SMCHD1: variants seen among roughly 807,000 people sequenced by gnomAD.
SMCHD1 encodes structural maintenance of chromosomes flexible hinge domain-containing protein 1.
SMCHD1 carries 78 observed loss-of-function variants against 254.7 expected under a neutral mutation model. That is an observed-to-expected ratio of 0.31 (90% CI 0.26 to 0.37). The LOEUF (loss-of-function observed/expected upper bound fraction) is 0.37. SMCHD1 is among the 10% of genes least tolerant of loss of function. The pLI is 1.00. For synonymous variants in SMCHD1, 766 were observed against 794.9 expected (o/e 0.96, Z 0.61); for missense variants, 1,840 against 2,408.1 (o/e 0.76, Z 4.94).
intron 44 of SMCHD1, among the ~76,000 whole-genome samples, chr18:2,779,344 G>A (rs1277119379): frequency 6.6e-6 from 1 of 152,140 alleles, no homozygotes; most frequent in African/African-American, 2.4e-5. Flanking sequence ...GGGTTCTTTT[G>A]GGGATGTCTG....
At chr18:2,679,810 CT>C (rs1445951635) in intron 5 of SMCHD1, among the ~76,000 whole-genome samples, 1 of 151,994 alleles carries the variant, frequency 6.6e-6, no homozygotes, top group Non-Finnish European at 1.5e-5. Flanking sequence ...TCTAAGTATT[CT>C]TTCTCTCCTT....
At chr18:2,714,105 A>G (rs13381408) in intron 17 of SMCHD1, among the ~76,000 whole-genome samples, 44,773 of 152,058 alleles carry the variant, frequency 0.29, 6,822 homozygotes, top group East Asian at 0.5. Flanking sequence ...TGTTGAATCC[A>G]TTATTATTGT....
At chr18:2,754,688 CAGTTAAAGG>C (rs1382860082) in intron 34 of SMCHD1, among the ~76,000 whole-genome samples, 1 of 152,126 alleles carries the variant, frequency 6.6e-6, no homozygotes, top group East Asian at 1.9e-4. Context: ...CCACTCATAT[CAGTTAAAGG>C]TGAGAACCCT....
Position 2,740,694 on chromosome 18 carries a change from C to A in SMCHD1, c.3515-9C>A. ...GATAATACTAAAATAAAACTTCCCCCTTTTTTAGTTATAATAATTACAGAT... is the reference window on the plus strand; with the variant it reads ...GATAATACTAAAATAAAACTTCCCCATTTTTTAGTTATAATAATTACAGAT... On this transcript the variant is annotated splice_polypyrimidine_tract_variant and intron_variant, in intron 27 of 47. Coordinates refer to ENST00000320876, the MANE Select transcript of SMCHD1 (RefSeq NM_015295.3). 1 of 1,465,812 alleles carries A rather than the reference C, an allele frequency of 6.8e-7. No homozygotes were observed. The highest frequency in any genetic ancestry group is 1.8e-5 in the Admixed American group (1 of 55,694). 90.8% of individuals were successfully genotyped at this position (1,465,812 alleles called of 1,614,324 possible).
chr18:2,728,678 T>C, intron 23 of SMCHD1, 82 bp downstream of exon 23: 2 of 1,397,426 alleles, frequency 1.4e-6, no homozygotes, highest in Non-Finnish European at 1.9e-6. Context: ...TAGTAAGTCT[T>C]ACACAGGATT....
rs566843358 is a variant in SMCHD1 at position 2,729,219 on chromosome 18, G to A, written c.2914-56G>A. 59 of 1,298,020 alleles carry A rather than the reference G, an allele frequency of 4.5e-5. No homozygotes were observed. The East Asian group carries it at 4.8e-4, about 11-fold the overall frequency. 80.4% of individuals were successfully genotyped at this position (1,298,020 alleles called of 1,614,324 possible). A position where few individuals can be genotyped will look rare whatever the true frequency, so the allele number is the denominator to read the frequency against. On this transcript the variant is annotated intron_variant, in intron 23 of 47. Coordinates refer to ENST00000320876, the MANE Select transcript of SMCHD1 (RefSeq NM_015295.3). Reference sequence around the variant, plus strand: ...ATTATTTGAAACTTTGAACAATTACGGAAGAATCAAATATATTTAATAGGG... The same window carrying A: ...ATTATTTGAAACTTTGAACAATTACAGAAGAATCAAATATATTTAATAGGG...
Position 2,760,717 on chromosome 18 carries a change from C to G in SMCHD1, c.4412C>G (p.Thr1471Arg), listed in dbSNP as rs766789106. 7.5e-6 allele frequency: 12 copies of G among 1,599,252 alleles called. No individual in the cohort carries two copies. The African/African-American group carries it at 1.2e-4, about 16-fold the overall frequency. ...CIQFGFMMDK[T>R]NILNSEQVIV... ...CAGTTTGGTTTTATGATGGATAAAA[C>G]AAATATTCTCAACAGTGAACAGGTT... is the stretch of plus-strand genomic sequence containing the variant. The change falls in exon 35 of 48, where the codon ACA (threonine) becomes AGA (arginine). Residue 1471 changes from threonine (T) to arginine (R), a missense_variant. Thr to Arg is a moderately conservative substitution (Grantham distance 71). Coordinates refer to ENST00000320876, the MANE Select transcript of SMCHD1 (RefSeq NM_015295.3).
intron 38 of SMCHD1, 34 bp from the exon 39 acceptor site, chr18:2,769,955 A>T: frequency 6.4e-7 from 1 of 1,551,876 alleles, no homozygotes; most frequent in Non-Finnish European, 8.7e-7. Context: ...GTCAGTTTTT[A>T]AATTATTTAA....
chr18:2,660,472 G>GTTTTTT (rs547130890), intron 1 of SMCHD1, among the ~76,000 whole-genome samples: 1 of 126,182 alleles, frequency 7.9e-6, no homozygotes, highest in African/African-American at 3.2e-5. Context: ...AAAATCCATG[G>GTTTTTT]TTTTTTTTTT....
chr18:2,668,143 G>A (rs2073488663), intron 3 of SMCHD1, among the ~76,000 whole-genome samples: 1 of 152,166 alleles, frequency 6.6e-6, no homozygotes, highest in Admixed American at 6.5e-5. Flanking sequence ...GCCTCCCAAA[G>A]TGCTGGGATT....
chr18:2,777,249 A>T (rs771508065), intron 42 of SMCHD1, among the ~76,000 whole-genome samples: 6 of 152,146 alleles, frequency 3.9e-5, no homozygotes, highest in Non-Finnish European at 7.3e-5. Context: ...TCTCCCTCTT[A>T]CTGGGATTGA....
chr18:2,705,486 T>C (rs1330530301), intron 13 of SMCHD1, among the ~76,000 whole-genome samples: 14 of 152,188 alleles, frequency 9.2e-5, no homozygotes, highest in African/African-American at 3.4e-4. Context: ...GAAGCTGCCA[T>C]ATTTTTACAA....
chr18:2,705,837 A>G, intron 14 of SMCHD1, 30 bp downstream of exon 14: 1 of 1,308,606 alleles, frequency 7.6e-7, no homozygotes, highest in Non-Finnish European at 1.1e-6. Context: ...AACATACTGA[A>G]AGTTTCTTGA....
chr18:2,769,745 A>C lies in SMCHD1; in HGVS notation c.4771A>C (p.Ile1591Leu), dbSNP rs1157882823. 1.2e-6 allele frequency: 2 copies of C among 1,602,276 alleles called. No homozygotes were observed. The highest frequency in any genetic ancestry group is 1.7e-6 in the Non-Finnish European group (2 of 1,173,284). The change falls in exon 38 of 48, where the codon ATT (isoleucine) becomes CTT (leucine). Residue 1591 changes from isoleucine to leucine, a missense_variant. This residue lies in a region of SMCHD1 where 881 missense variants were observed against 1,009.5 expected (regional missense o/e 0.87). Transcript: ENST00000320876. ...TGGAAGGGATAGTACTGAATATTTT[A>C]TTGTATTTGAGCCCCGGCTACCACT... is the stretch of plus-strand genomic sequence containing the variant. Reference protein sequence around the residue: ...SPGRDSTEYFIVFEPRLPLLS... With the variant: ...SPGRDSTEYFLVFEPRLPLLS...
chr18:2,737,572 A>G (rs1352465745), intron 25 of SMCHD1, among the ~76,000 whole-genome samples: 1 of 135,782 alleles, frequency 7.4e-6, no homozygotes, highest in East Asian at 2.6e-4. Context: ...AATTAGGCAG[A>G]CCTGGGGTGC....
chr18:2,724,901 G>T lies in SMCHD1; in HGVS notation c.2606G>T (p.Gly869Val), dbSNP rs548397345. 245 of 1,560,992 alleles carry T rather than the reference G, an allele frequency of 1.6e-4. No individual in the cohort carries two copies. The highest frequency in any genetic ancestry group is 2.1e-4 in the Non-Finnish European group (240 of 1,147,528). The change falls in exon 21 of 48, where the codon GGT becomes GTT. Residue 869 changes from glycine to valine, a missense_variant and splice_region_variant. By Grantham distance (109) the Gly-to-Val change is moderately radical (BLOSUM62 -3). Transcript: ENST00000320876. ...AAAAAATAATTTTTTTTCCCCAGTG[G>T]TTTATCTTTACATTATGAAGAAATA... ...TDIQPVLEAS[G>V]LSLHYEEITK...
intron 5 of SMCHD1, among the ~76,000 whole-genome samples, chr18:2,682,769 A>C (rs2073962736): frequency 6.6e-6 from 1 of 152,216 alleles, no homozygotes; most frequent in Non-Finnish European, 1.5e-5. Context: ...TTTATTCCTG[A>C]AGGAGATTAA....
chr18:2,760,587 C>A, intron 34 of SMCHD1, 65 bp from the exon 35 acceptor site: 1 of 884,334 alleles, frequency 1.1e-6, no homozygotes, highest in Non-Finnish European at 1.9e-6. Flanking sequence ...GAAATGTTGA[C>A]TCTTTGAATT....
chr18:2,779,819 G>A (rs182622910), intron 44 of SMCHD1, among the ~76,000 whole-genome samples: 11 of 151,776 alleles, frequency 7.2e-5, no homozygotes, highest in South Asian at 2.1e-4. Context: ...AATATAATGC[G>A]ATTCTGTCTA....
Sources: gnomAD v4.1 joint callset for allele counts (sites outside exome capture counted in the v4.1 genomes callset) on GRCh38, gnomAD v4.1.1 for gene constraint, gnomAD v4.1.1 regional missense constraint, MANE v1.5 for transcripts, NCBI Gene and HGNC (gene_info 2026-07-23, HGNC 2026-07-21) for gene names.